TRPV4: variants seen among roughly 807,000 people sequenced by gnomAD.
TRPV4 encodes the protein transient receptor potential cation channel subfamily V member 4.
A neutral mutation model predicts 84.1 loss-of-function variants in TRPV4; 58 were observed. That is an observed-to-expected ratio of 0.69 (90% CI 0.56 to 0.86). The LOEUF (loss-of-function observed/expected upper bound fraction) is 0.86. Ranked by LOEUF, TRPV4 falls within the 40% of genes least tolerant of loss-of-function variation. The probability of loss-of-function intolerance (pLI) is 0.00; values close to 1 mark genes in which losing one functional copy is unlikely to be tolerated. For missense variants in TRPV4, 879 were observed against 1,181.1 expected, an observed-to-expected ratio of 0.74 and a Z score of 3.75; for synonymous variants, 489 against 500.9, an observed-to-expected ratio of 0.98 and a Z score of 0.32.
intron 12 of TRPV4, among the ~76,000 whole-genome samples, chr12:109,791,956 C>T (rs936583616): frequency 1.3e-5 from 2 of 151,566 alleles, no homozygotes; most frequent in African/African-American, 2.4e-5. Flanking sequence ...AGTGGCCAGG[C>T]GCGTTGGCTC....
chr12:109,794,274 T>C (rs1890240412), intron 8 of TRPV4, 55 bp downstream of exon 8: 2 of 1,601,108 alleles, frequency 1.2e-6, no homozygotes, highest in Non-Finnish European at 1.7e-6. Context: ...GCCCCAGTCC[T>C]GCATGGCTCA....
rs1018810356 is a variant in TRPV4 at position 109,793,909 on chromosome 12, G to A, written c.1584+21C>T. ...AAGAGGAGGGCAGGCAGGGTGGGGGGCACGGGGGCCAGGCACTTACGTTGG... is the reference window on the plus strand; with the variant it reads ...AAGAGGAGGGCAGGCAGGGTGGGGGACACGGGGGCCAGGCACTTACGTTGG... On this transcript the variant is annotated intron_variant, in intron 9 of 15. Coordinates refer to ENST00000261740, the MANE Select transcript of TRPV4 (RefSeq NM_021625.5). The surrounding 1 kb of genome is among the most constrained non-coding windows in gnomAD (Gnocchi z 4.0). 1.3e-6 allele frequency: 2 copies of A among 1,558,372 alleles called. No individual in the cohort carries two copies. Among genetic ancestry groups the A allele is most frequent in the Admixed American group, 1.8e-5 (1 of 56,414 alleles).
At chr12:109,810,743 G>A (rs370585228) in intron 2 of TRPV4, among the ~76,000 whole-genome samples, 80 of 152,184 alleles carry the variant, frequency 5.3e-4, no homozygotes, top group African/African-American at 1.8e-3. Flanking sequence ...AAGCAATACT[G>A]CCCCCACCAG....
chr12:109,827,608 CACAT>C (rs1199516048), intron 1 of TRPV4, among the ~76,000 whole-genome samples: 6 of 151,848 alleles, frequency 4.0e-5, no homozygotes, highest in Admixed American at 3.3e-4. Flanking sequence ...CACACATATA[CACAT>C]ACATACACAC....
Position 109,828,876 on chromosome 12 carries a change from G to A in TRPV4, c.-32+4474C>T, listed in dbSNP as rs550620421. ...AGCATTCCTGCCCCTGCCCACCCCC[G>A]GCAGTGGGGAAGCTGTGACACCATC... On this transcript the variant is annotated intron_variant, in intron 1 of 15. Coordinates refer to ENST00000261740, the MANE Select transcript of TRPV4 (RefSeq NM_021625.5). Among the ~76,000 whole-genome samples the A allele has an allele frequency of 7.4e-3, 1,121 of 152,178 alleles. 10 individuals are homozygous for A. The highest frequency in any genetic ancestry group is 0.01 in the Non-Finnish European group (687 of 67,988).
At chr12:109,809,176 A>T (rs1269920903) in intron 2 of TRPV4, among the ~76,000 whole-genome samples, 1 of 143,798 alleles carries the variant, frequency 7.0e-6, no homozygotes, top group Non-Finnish European at 1.5e-5. Flanking sequence ...TCATCCATCC[A>T]TCCACCCATC....
At chr12:109,824,729 G>A (rs1419490913) in intron 1 of TRPV4, among the ~76,000 whole-genome samples, 5 of 150,286 alleles carry the variant, frequency 3.3e-5, no homozygotes, top group Middle Eastern at 3.4e-3. Context: ...GCACTCCAGC[G>A]GGGGCGACAA....
In TRPV4 at chr12:109,792,783, C is replaced by T. The variant is rs11068298; in HGVS notation, c.1693G>A (p.Ala565Thr). Residue 565 changes from alanine to threonine, a missense_variant, in exon 11 of 16, where the codon GCC becomes ACC. Ala to Thr is a moderately conservative substitution (Grantham distance 58). Around this residue, in one of 4 missense-constraint regions of TRPV4, gnomAD observed 521 missense variants for 686.6 expected, o/e 0.76. Coordinates refer to ENST00000261740, the MANE Select transcript of TRPV4 (RefSeq NM_021625.5). Reference protein sequence around the residue: ...IYSVLVIVSAALYLAGIEAYL... With the variant: ...IYSVLVIVSATLYLAGIEAYL... ...GCCTCGATCCCTGCCAGGTAGAGGG[C>T]TGCTGAGACGATCACCAGGACAGAG... 3 of 1,614,022 alleles carry T rather than the reference C, an allele frequency of 1.9e-6. No homozygotes were observed. The highest frequency in any genetic ancestry group is 2.5e-6 in the Non-Finnish European group (3 of 1,180,040).
Position 109,828,501 on chromosome 12 carries a change from C to T in TRPV4, c.-32+4849G>A, listed in dbSNP as rs778232901. On this transcript the variant is annotated intron_variant, in intron 1 of 15. Transcript: ENST00000261740. ...GCACCCGAGGTTGAAGGAGCCCAGGCCAGAACAAGAGCAGCAGCCAGAATA... is the reference window on the plus strand; with the variant it reads ...GCACCCGAGGTTGAAGGAGCCCAGGTCAGAACAAGAGCAGCAGCCAGAATA... Among the ~76,000 whole-genome samples, 24 of 152,208 alleles carry T rather than the reference C, an allele frequency of 1.6e-4. 1 individual carries two copies. The highest frequency in any genetic ancestry group is 6.5e-4 in the Admixed American group (10 of 15,278).
chr12:109,832,382 A>T (rs535360622), intron 1 of TRPV4: 1 of 152,452 alleles, frequency 6.6e-6, no homozygotes, highest in Admixed American at 6.5e-5. Context: ...TTAGCATCCC[A>T]GAACAAAGCT....
In TRPV4 at chr12:109,830,116, A is replaced by T. The variant is rs1379047230; in HGVS notation, c.-32+3234T>A. Reference sequence around the variant, plus strand: ...CAGGTGTGGGCCACTGCACCCGGCCAACTCAGGTTCCTATCTCTGGACTGC... The same window carrying T: ...CAGGTGTGGGCCACTGCACCCGGCCTACTCAGGTTCCTATCTCTGGACTGC... On this transcript the variant is annotated intron_variant, in intron 1 of 15. Transcript: ENST00000261740. 3.3e-5 allele frequency among the ~76,000 whole-genome samples: 5 copies of T among 152,264 alleles called. No individual in the cohort carries two copies. The East Asian group carries it at 9.7e-4, about 29-fold the overall frequency.
At chr12:109,821,171 G>A (rs147103394) in intron 1 of TRPV4, among the ~76,000 whole-genome samples, 41 of 152,370 alleles carry the variant, frequency 2.7e-4, no homozygotes, top group South Asian at 2.1e-4. Flanking sequence ...CCGCCCCAGC[G>A]GGGAGGAATC....
At position 109,788,413 on chromosome 12, in the gene TRPV4, ATG is replaced by A. The variant is rs773221903; in HGVS notation, c.2193_2194del (p.Ile732LeufsTer13). The A allele has an allele frequency of 6.2e-7, 1 of 1,613,910 alleles. No homozygotes were observed. The highest frequency in any genetic ancestry group is 1.7e-5 in the Admixed American group (1 of 60,002). On this transcript the variant is annotated frameshift_variant, in exon 13 of 16. Transcript: ENST00000261740. LOFTEE classifies it high-confidence loss of function. ...CTGGGGCCTCACCTGCAGCTTCCAG[ATG>A]TGCTTGCTCTCCTTGGAGACCTGGC...
At chr12:109,829,606 AC>A (rs1892356767) in intron 1 of TRPV4, among the ~76,000 whole-genome samples, 1 of 152,194 alleles carries the variant, frequency 6.6e-6, no homozygotes, top group African/African-American at 2.4e-5. Context: ...GGGCCTGGGG[AC>A]AAGGGGAGCT....
In TRPV4 at chr12:109,783,906, A is replaced by C. The variant is rs1889513072; in HGVS notation, c.2459-128T>G. On this transcript the variant is annotated intron_variant, in intron 15 of 15. Coordinates refer to ENST00000261740, the MANE Select transcript of TRPV4 (RefSeq NM_021625.5). This position sits in a 1 kb window ranked among gnomAD's most constrained non-coding sequence, Gnocchi z 4.6. ...GGGGGGATGTGACTATGCTCATTTT[A>C]CAGAGGTGGAAACTGGGGCTCAAGA... The C allele has an allele frequency of 8.6e-7, 1 of 1,167,612 alleles. No homozygotes were observed. The highest frequency in any genetic ancestry group is 2.2e-5 in the Admixed American group (1 of 45,884). 72.3% of individuals were successfully genotyped at this position (1,167,612 alleles called of 1,614,324 possible).
intron 7 of TRPV4, among the ~76,000 whole-genome samples, chr12:109,795,930 T>TA (rs1274246717): frequency 9.9e-5 from 3 of 30,238 alleles, no homozygotes; most frequent in South Asian, 3.7e-3. Flanking sequence ...ATTTTTATTA[T>TA]TTTTTTTTGG....
intron 1 of TRPV4, among the ~76,000 whole-genome samples, chr12:109,827,271 A>G (rs1271967035): frequency 6.6e-6 from 1 of 152,206 alleles, no homozygotes; most frequent in Non-Finnish European, 1.5e-5. Context: ...ATTGAGGCTC[A>G]ACAAGACCAG....
At position 109,798,703 on chromosome 12, in the gene TRPV4, G is replaced by A. The variant is rs143604694; in HGVS notation, c.1063C>T (p.Arg355Cys). Residue 355 changes from arginine to cysteine, a missense_variant, in exon 6 of 16, where the codon CGC becomes TGC. Arg to Cys is a radical substitution (Grantham distance 180). Transcript: ENST00000261740. The surrounding 1 kb of genome is among the most constrained non-coding windows in gnomAD (Gnocchi z 5.0). ...MYDLLLLKCARLFPDSNLEAV... is the reference protein window; with the variant it reads ...MYDLLLLKCACLFPDSNLEAV... ...TCCAGGTTGCTGTCGGGGAAGAGGCGGGCACACTTGAGCAGCAGCAGGTCG... is the reference window on the plus strand; with the variant it reads ...TCCAGGTTGCTGTCGGGGAAGAGGCAGGCACACTTGAGCAGCAGCAGGTCG... 8.1e-6 allele frequency: 13 copies of A among 1,613,794 alleles called. No homozygotes were observed. The highest frequency in any genetic ancestry group is 8.0e-5 in the African/African-American group (6 of 74,900).
intron 1 of TRPV4, chr12:109,832,523 G>C (rs1565891533): frequency 1.3e-5 from 2 of 152,324 alleles, no homozygotes. Context: ...AAGCACCCCG[G>C]GGGCACCAGG....
Sources: gnomAD v4.1 joint callset for allele counts (sites outside exome capture counted in the v4.1 genomes callset) on GRCh38, gnomAD v4.1.1 for gene constraint, gnomAD v4.1.1 regional missense constraint, Gnocchi (gnomAD v3.1) non-coding constraint, MANE v1.5 for transcripts, NCBI Gene and HGNC (gene_info 2026-07-23, HGNC 2026-07-21) for gene names.